The following PEX3 variants were observed in gnomAD, a reference collection of about 807,000 sequenced individuals.
PEX3 encodes peroxisomal biogenesis factor 3.
A neutral mutation model predicts 55.8 loss-of-function variants in PEX3; 30 were observed. The observed-to-expected ratio is 0.54, with a 90% CI of 0.40 to 0.73. PEX3 has a LOEUF of 0.73. PEX3 is among the 30% of genes least tolerant of loss of function. The pLI, the probability that PEX3 is intolerant of heterozygous loss-of-function variation, is 0.00. For missense variants in PEX3, 351 were observed against 432.8 expected (o/e 0.81, Z 1.68); for synonymous variants, 135 against 148.4 (o/e 0.91, Z 0.66).
At chr6:143,460,319 G>A (rs978268747) in intron 2 of PEX3, among the ~76,000 whole-genome samples, 4 of 152,032 alleles carry the variant, frequency 2.6e-5, no homozygotes, top group Non-Finnish European at 2.9e-5. Context: ...TCTGCAAAGC[G>A]AATAGTAATC....
intron 1 of PEX3, among the ~76,000 whole-genome samples, chr6:143,452,192 G>A (rs1167201507): frequency 6.6e-6 from 1 of 152,136 alleles, no homozygotes; most frequent in Non-Finnish European, 1.5e-5. Flanking sequence ...TTGAAAGTTT[G>A]AAACAGAGTT....
Position 143,451,089 on chromosome 6 carries a change from G to A in PEX3, c.47G>A (p.Cys16Tyr). The A allele has an allele frequency of 6.2e-7, 1 of 1,613,592 alleles. No individual in the cohort carries two copies. ...WNFLKRHKKK[C>Y]IFLGTVLGGV... ...TTTCTGAAACGCCACAAAAAGAAAT[G>A]CATCTTCCTGGGCACGGTCCTTGGA... is the stretch of plus-strand genomic sequence containing the variant. Residue 16 changes from cysteine (C) to tyrosine (Y), a missense_variant, in exon 1 of 12, where the codon TGC becomes TAC. By Grantham distance (194) the Cys-to-Tyr change is radical. Transcript: ENST00000367591. The surrounding 1 kb of genome is among the most constrained non-coding windows in gnomAD (Gnocchi z 4.1).
In PEX3 at chr6:143,458,496, A is replaced by G. The variant is rs1400072583; in HGVS notation, c.74-589A>G. Among the ~76,000 whole-genome samples, 3 of 152,268 alleles carry G rather than the reference A, an allele frequency of 2.0e-5. No homozygotes were observed. The highest frequency in any genetic ancestry group is 7.2e-5 in the African/African-American group (3 of 41,552). On this transcript the variant is annotated intron_variant, in intron 1 of 11. Transcript: ENST00000367591. This position sits in a 1 kb window ranked among gnomAD's most constrained non-coding sequence, Gnocchi z 6.1. ...TTGTTCCTTTTAAAATTTTTATCTT[A>G]TAGTTTTAAAAAGCATTTTGTGTTC...
In PEX3 at chr6:143,489,557, T is replaced by G. The variant is rs1780361886; in HGVS notation, c.*331T>G. 1 of 155,384 alleles carries G rather than the reference T, an allele frequency of 6.4e-6. No homozygotes were observed. The highest frequency in any genetic ancestry group is 1.4e-5 in the Non-Finnish European group (1 of 71,440). The allele number at this position is 155,384 out of a possible 1,614,324, so 9.6% of individuals were successfully genotyped here. Reference sequence around the variant, plus strand: ...ATATATATATATAAAAATACAAAATTCAGTGTACTTTACCATATTAATACT... The same window carrying G: ...ATATATATATATAAAAATACAAAATGCAGTGTACTTTACCATATTAATACT... On this transcript the variant is annotated 3_prime_UTR_variant, in exon 12 of 12. Transcript: ENST00000367591. The surrounding 1 kb of genome is among the most constrained non-coding windows in gnomAD (Gnocchi z 5.5).
chr6:143,476,267 T>C lies in PEX3; in HGVS notation c.818+1411T>C, dbSNP rs972766024. Among the ~76,000 whole-genome samples the C allele has an allele frequency of 1.3e-5, 2 of 152,220 alleles. No individual in the cohort carries two copies. Among genetic ancestry groups the C allele is most frequent in the Admixed American group, 6.5e-5 (1 of 15,282 alleles). ...GAATAGCAAGGAGGCCATTGTTGGC[T>C]GGAGCACAGTGAATGAGAAAAGTAA... is the stretch of plus-strand genomic sequence containing the variant. On this transcript the variant is annotated intron_variant, in intron 9 of 11. Coordinates refer to ENST00000367591, the MANE Select transcript of PEX3 (RefSeq NM_003630.3). This position sits in a 1 kb window ranked among gnomAD's most constrained non-coding sequence, Gnocchi z 5.4.
rs781623065 is a variant in PEX3, at chr6:143,451,431, T to TA, written c.73+324dup. 3.3e-5 allele frequency among the ~76,000 whole-genome samples: 5 copies of TA among 152,080 alleles called. No individual in the cohort carries two copies. The highest frequency in any genetic ancestry group is 7.4e-5 in the Non-Finnish European group (5 of 68,014). ...GCACCATTCTCTTACAGGAACTTTT[T>TA]AAAAAAAATTCTGCTTTCCTGTGAG... On this transcript the variant is annotated intron_variant, in intron 1 of 11. Transcript: ENST00000367591. The surrounding 1 kb of genome is among the most constrained non-coding windows in gnomAD (Gnocchi z 4.1).
intron 1 of PEX3, among the ~76,000 whole-genome samples, chr6:143,452,449 A>G (rs1471905725): frequency 6.6e-6 from 1 of 152,226 alleles, no homozygotes; most frequent in African/African-American, 2.4e-5. Context: ...TTTTGCGTTT[A>G]CTGAAGGAAG....
intron 3 of PEX3, among the ~76,000 whole-genome samples, chr6:143,467,424 A>C (rs2128746268): frequency 6.6e-6 from 1 of 152,252 alleles, no homozygotes; most frequent in South Asian, 2.1e-4. Flanking sequence ...AAAAAATCTT[A>C]GAAATAATGA....
chr6:143,468,245 C>A, intron 4 of PEX3, 80 bp downstream of exon 4: 1 of 900,268 alleles, frequency 1.1e-6, no homozygotes, highest in South Asian at 1.4e-5. Flanking sequence ...TAGGATGACT[C>A]TTCTTTACCT....
In PEX3 at chr6:143,451,046, C is replaced by G; in HGVS notation, c.4C>G (p.Leu2Val). The change falls in exon 1 of 12, where the codon CTG becomes GTG. Residue 2 changes from leucine (L) to valine (V), a missense_variant. By Grantham distance (32) the Leu-to-Val change is conservative. Coordinates refer to ENST00000367591, the MANE Select transcript of PEX3 (RefSeq NM_003630.3). The surrounding 1 kb of genome is among the most constrained non-coding windows in gnomAD (Gnocchi z 4.1). Reference sequence around the variant, plus strand: ...CCCACACCCCTAGGGCCTAAAGATGCTGAGGTCTGTATGGAATTTTCTGAA... The same window carrying G: ...CCCACACCCCTAGGGCCTAAAGATGGTGAGGTCTGTATGGAATTTTCTGAA... M[L>V]RSVWNFLKRH... 6.2e-7 allele frequency: 1 copy of G among 1,611,878 alleles called. No individual in the cohort carries two copies. The highest frequency in any genetic ancestry group is 8.5e-7 in the Non-Finnish European group (1 of 1,177,954).
At position 143,479,221 on chromosome 6, in the gene PEX3, T is replaced by C; in HGVS notation, c.941+23T>C. On this transcript the variant is annotated intron_variant, in intron 10 of 11. Transcript: ENST00000367591. The surrounding 1 kb of genome is among the most constrained non-coding windows in gnomAD (Gnocchi z 4.6). ...TAGGTAAGATGACATATAAAAATGT[T>C]ATACTAATGAATGCTCTAAAAAAAT... 1 of 1,565,116 alleles carries C rather than the reference T, an allele frequency of 6.4e-7. No homozygotes were observed. Among genetic ancestry groups the C allele is most frequent in the South Asian group, 1.1e-5 (1 of 89,984 alleles).
rs976999495 is a variant in PEX3, at chr6:143,454,765, A to G, written c.73+3650A>G. Reference sequence around the variant, plus strand: ...GAATTTCTGCTTAAGTTGTAGAGCTAGCAAAGGAGAAAGGACACAGAAGGA... The same window carrying G: ...GAATTTCTGCTTAAGTTGTAGAGCTGGCAAAGGAGAAAGGACACAGAAGGA... On this transcript the variant is annotated intron_variant, in intron 1 of 11. Coordinates refer to ENST00000367591, the MANE Select transcript of PEX3 (RefSeq NM_003630.3). This position sits in a 1 kb window ranked among gnomAD's most constrained non-coding sequence, Gnocchi z 4.3. 1.3e-5 allele frequency among the ~76,000 whole-genome samples: 2 copies of G among 152,206 alleles called. No individual in the cohort carries two copies. Among genetic ancestry groups the G allele is most frequent in the Non-Finnish European group, 2.9e-5 (2 of 68,030 alleles).
intron 3 of PEX3, among the ~76,000 whole-genome samples, 179 bp from the exon 4 acceptor site, chr6:143,467,943 T>G (rs1780013664): frequency 1.3e-5 from 2 of 152,292 alleles, no homozygotes; most frequent in Non-Finnish European, 2.9e-5. Flanking sequence ...TTAAAGTGGT[T>G]GTTATTGATT....
chr6:143,457,078 A>C (rs1779857243), intron 1 of PEX3, among the ~76,000 whole-genome samples: 1 of 152,214 alleles, frequency 6.6e-6, no homozygotes, highest in African/African-American at 2.4e-5. Flanking sequence ...TTAAAGAAAA[A>C]AATTCTTAGC....
chr6:143,480,849 C>T (rs1176121941), intron 10 of PEX3, among the ~76,000 whole-genome samples: 1 of 151,978 alleles, frequency 6.6e-6, no homozygotes, highest in Admixed American at 6.6e-5. Flanking sequence ...CCTATCTCTA[C>T]AACAAATACA....
At chr6:143,468,768 C>T (rs1008734373) in intron 4 of PEX3, among the ~76,000 whole-genome samples, 1 of 148,372 alleles carries the variant, frequency 6.7e-6, no homozygotes, top group South Asian at 2.2e-4. Context: ...CCCATTAACT[C>T]GTCATTTACA....
rs1300031059 is a variant in PEX3 at position 143,489,876 on chromosome 6, G to A, written c.*650G>A. On this transcript the variant is annotated 3_prime_UTR_variant, in exon 12 of 12. Coordinates refer to ENST00000367591, the MANE Select transcript of PEX3 (RefSeq NM_003630.3). The surrounding 1 kb of genome is among the most constrained non-coding windows in gnomAD (Gnocchi z 5.5). ...TAGAAAGTTACATATTGGTTTAGAG[G>A]CTAAAATTGTGTTGATGCTGTTTAC... The A allele has an allele frequency of 1.3e-5, 2 of 152,064 alleles. No individual in the cohort carries two copies. The highest frequency in any genetic ancestry group is 4.8e-5 in the African/African-American group (2 of 41,420). The allele number at this position is 152,064 out of a possible 1,614,324, so 9.4% of individuals were successfully genotyped here.
chr6:143,488,472 C>T lies in PEX3; in HGVS notation c.1039-671C>T, dbSNP rs1384433314. Among the ~76,000 whole-genome samples the T allele has an allele frequency of 1.3e-5, 2 of 152,014 alleles. No homozygotes were observed. Among genetic ancestry groups the T allele is most frequent in the African/African-American group, 2.4e-5 (1 of 41,434 alleles). ...TAAATACCAAGATATAATGAGAGTT[C>T]TGATAACTTCCACAACTGTCATATG... On this transcript the variant is annotated intron_variant, in intron 11 of 11. Coordinates refer to ENST00000367591, the MANE Select transcript of PEX3 (RefSeq NM_003630.3). The surrounding 1 kb of genome is among the most constrained non-coding windows in gnomAD (Gnocchi z 4.9).
rs1184012980 is a variant in PEX3, at chr6:143,482,610, CTATATAA to C, written c.942-2530_942-2524del. ...AAGAAGAGCAATGGATATGCTTTTC[CTATATAA>C]TATATAATATAAGGTATAATTATTG... is the stretch of plus-strand genomic sequence containing the variant. On this transcript the variant is annotated intron_variant, in intron 10 of 11. Coordinates refer to ENST00000367591, the MANE Select transcript of PEX3 (RefSeq NM_003630.3). The surrounding 1 kb of genome is among the most constrained non-coding windows in gnomAD (Gnocchi z 5.5). Among the ~76,000 whole-genome samples the C allele has an allele frequency of 6.6e-6, 1 of 151,142 alleles. No individual in the cohort carries two copies. The highest frequency in any genetic ancestry group is 2.4e-5 in the African/African-American group (1 of 41,116).
Sources: allele counts gnomAD v4.1 joint callset (sites outside exome capture counted in the v4.1 genomes callset), GRCh38; gene constraint gnomAD v4.1.1; non-coding constraint Gnocchi (gnomAD v3.1); transcripts MANE v1.5; gene names NCBI Gene and HGNC (gene_info 2026-07-23, HGNC 2026-07-21).